HLCS: variants seen among roughly 807,000 people sequenced by gnomAD.
HLCS encodes holocarboxylase synthetase.
HLCS carries 53 observed loss-of-function variants against 75.0 expected under a neutral mutation model. The ratio of observed to expected loss-of-function variants is 0.71; its 90% CI spans 0.57 to 0.89. The LOEUF is 0.89. Among genes scored for constraint, HLCS ranks in the 40% least tolerant of loss-of-function variants. The pLI is 0.00. For synonymous variants in HLCS, 431 were observed against 428.6 expected, an observed-to-expected ratio of 1.01 and a Z score of -0.07; for missense variants, 966 against 1,074.0, an observed-to-expected ratio of 0.90 and a Z score of 1.41.
chr21:36,909,129 G>A (rs551136337), intron 5 of HLCS, among the ~76,000 whole-genome samples: 3 of 152,008 alleles, frequency 2.0e-5, no homozygotes, highest in Non-Finnish European at 4.4e-5. Context: ...CCTCGGAAGC[G>A]GAGTTTGCAG....
At chr21:36,766,820 A>G (rs1675654725) in intron 7 of HLCS, among the ~76,000 whole-genome samples, 1 of 152,204 alleles carries the variant, frequency 6.6e-6, no homozygotes, top group South Asian at 2.1e-4. Context: ...AGCTGGGGTG[A>G]GAACTGGCAT....
intron 5 of HLCS, among the ~76,000 whole-genome samples, chr21:36,919,460 A>G (rs1038235601): frequency 3.3e-5 from 5 of 152,240 alleles, no homozygotes; most frequent in Non-Finnish European, 7.3e-5. Context: ...ATGGAGAAGT[A>G]GAAAGAGATG....
At chr21:36,930,003 C>G (rs770695833) in intron 5 of HLCS, among the ~76,000 whole-genome samples, 2 of 152,204 alleles carry the variant, frequency 1.3e-5, no homozygotes, top group Non-Finnish European at 1.5e-5. Flanking sequence ...CCTCTTCCCC[C>G]TAACGTGGAA....
At chr21:36,786,920 G>T (rs1405804683) in intron 6 of HLCS, among the ~76,000 whole-genome samples, 1 of 152,232 alleles carries the variant, frequency 6.6e-6, no homozygotes, top group African/African-American at 2.4e-5. Context: ...GACAACAGAG[G>T]TGTCAGAGTC....
intron 6 of HLCS, among the ~76,000 whole-genome samples, chr21:36,768,124 C>A (rs369241995): frequency 7.1e-4 from 108 of 152,348 alleles, no homozygotes; most frequent in African/African-American, 2.5e-3. Context: ...TCAGGTGCTG[C>A]GCAGGCGCGG....
chr21:36,774,517 G>C (rs536578841), intron 6 of HLCS, among the ~76,000 whole-genome samples: 87 of 152,278 alleles, frequency 5.7e-4, no homozygotes, highest in African/African-American at 2.0e-3. Context: ...CTTGCTGCCA[G>C]AAGACAAGCA....
upstream of HLCS, among the ~76,000 whole-genome samples, chr21:36,969,329 C>G (rs1055853497): frequency 1.3e-5 from 2 of 152,226 alleles, no homozygotes; most frequent in Non-Finnish European, 2.9e-5. Context: ...TAGTCCCTCA[C>G]TGCTCAAAGT....
intron 6 of HLCS, among the ~76,000 whole-genome samples, chr21:36,824,076 T>A (rs2146017445): frequency 6.6e-6 from 1 of 152,262 alleles, no homozygotes; most frequent in Middle Eastern, 3.4e-3. Flanking sequence ...GGTCAGGAGT[T>A]TGAGACCAGC....
chr21:36,863,956 A>T (rs990492441), intron 6 of HLCS, among the ~76,000 whole-genome samples: 5 of 152,224 alleles, frequency 3.3e-5, no homozygotes, highest in African/African-American at 7.2e-5. Context: ...TTCACATAAA[A>T]GTTTTCCGTC....
chr21:36,932,722 T>C (rs1342636791), intron 4 of HLCS, among the ~76,000 whole-genome samples: 1 of 152,194 alleles, frequency 6.6e-6, no homozygotes, highest in Non-Finnish European at 1.5e-5. Flanking sequence ...CCTGATATTA[T>C]AGAAGTATTA....
chr21:36,976,431 C>CAA (rs3035112), intron 1 of HLCS, among the ~76,000 whole-genome samples: 94,617 of 151,524 alleles, frequency 0.62, 29,812 homozygotes, highest in East Asian at 0.78. Context: ...CAGAAAAATA[C>CAA]AAGTTAGCTG....
At chr21:36,764,805 C>G (rs1185004829) in intron 8 of HLCS, among the ~76,000 whole-genome samples, 1 of 152,246 alleles carries the variant, frequency 6.6e-6, no homozygotes, top group African/African-American at 2.4e-5. Flanking sequence ...AAAGGGAGTT[C>G]TGGGGAATGA....
Position 36,751,446 on chromosome 21 carries a change from C to G in HLCS, c.*2800G>C, listed in dbSNP as rs1381426801. On this transcript the variant is annotated 3_prime_UTR_variant, in exon 11 of 11. Transcript: ENST00000674895. ...TGAAGCAGTGCGGGGAGGCTGGCTC[C>G]TCTCTTTGTTCCCAGACTCCAGGGC... is the stretch of plus-strand genomic sequence containing the variant. 1 of 152,340 alleles carries G rather than the reference C, an allele frequency of 6.6e-6. No homozygotes were observed. Among genetic ancestry groups the G allele is most frequent in the African/African-American group, 2.4e-5 (1 of 41,468 alleles). 9.4% of individuals were successfully genotyped at this position (152,340 alleles called of 1,614,324 possible).
At chr21:36,757,138 C>T (rs1173115822) in intron 9 of HLCS, among the ~76,000 whole-genome samples, 1 of 152,204 alleles carries the variant, frequency 6.6e-6, no homozygotes, top group African/African-American at 2.4e-5. Flanking sequence ...AGAATAAAAT[C>T]TCTGGTTTCT....
chr21:36,965,308 C>T (rs2068509064), intron 1 of HLCS, among the ~76,000 whole-genome samples: 1 of 152,164 alleles, frequency 6.6e-6, no homozygotes, highest in Non-Finnish European at 1.5e-5. Context: ...GGACAAGAAA[C>T]AGATTAAAAG....
intron 6 of HLCS, among the ~76,000 whole-genome samples, chr21:36,790,284 A>G (rs748139025): frequency 1.3e-5 from 2 of 152,218 alleles, no homozygotes; most frequent in South Asian, 2.1e-4. Context: ...TGCACCTGTA[A>G]TCCCAGCTAC....
At chr21:36,861,944 C>A (rs1475165806) in intron 6 of HLCS, among the ~76,000 whole-genome samples, 1 of 152,170 alleles carries the variant, frequency 6.6e-6, no homozygotes, top group Non-Finnish European at 1.5e-5. Flanking sequence ...CTCCTCCACC[C>A]CCCTCAACCA....
At position 36,909,659 on chromosome 21, in the gene HLCS, C is replaced by A. The variant is rs117973053; in HGVS notation, c.1621-12528G>T. ...CCAGGCTGGAGTGCAATGACGTGAT[C>A]ATAGATCACTGTAACCTTGAACTCC... On this transcript the variant is annotated intron_variant, in intron 5 of 10. Coordinates refer to ENST00000674895, the MANE Select transcript of HLCS (RefSeq NM_001352514.2). Among the ~76,000 whole-genome samples, 763 of 152,284 alleles carry A rather than the reference C, an allele frequency of 5.0e-3. 3 individuals are homozygous for A. The highest frequency in any genetic ancestry group is 8.5e-3 in the Non-Finnish European group (575 of 68,026).
In HLCS at chr21:36,929,545, T is replaced by TA. The variant is rs1601776094; in HGVS notation, c.1620+705dup. Among the ~76,000 whole-genome samples the TA allele has an allele frequency of 2.6e-5, 4 of 152,252 alleles. No homozygotes were observed. The East Asian group carries it at 7.7e-4, about 29-fold the overall frequency. ...AGAGAAAGTAGGTAAGTTTAGTGTT[T>TA]AAAGTCACCTAGACTATTGGGTGTT... On this transcript the variant is annotated intron_variant, in intron 5 of 10. Coordinates refer to ENST00000674895, the MANE Select transcript of HLCS (RefSeq NM_001352514.2).
Sources: gnomAD v4.1 joint callset for allele counts (sites outside exome capture counted in the v4.1 genomes callset) on GRCh38, gnomAD v4.1.1 for gene constraint, MANE v1.5 for transcripts, NCBI Gene and HGNC (gene_info 2026-07-23, HGNC 2026-07-21) for gene names.